The following ST6GALNAC3 variants were observed in gnomAD, a reference collection of about 807,000 sequenced individuals.
ST6GALNAC3 encodes the protein alpha-N-acetylgalactosaminide alpha-2,6-sialyltransferase 3.
Under a neutral mutation model 32.7 loss-of-function variants are expected in ST6GALNAC3, and 25 were observed. The ratio of observed to expected loss-of-function variants is 0.76; its 90% confidence interval spans 0.56 to 1.07. The LOEUF (loss-of-function observed/expected upper bound fraction) is 1.07. Ranked by LOEUF, ST6GALNAC3 falls within the 50% of genes least tolerant of loss-of-function variation. The pLI is 0.00. For synonymous variants in ST6GALNAC3, 129 were observed against 133.1 expected, an observed-to-expected ratio of 0.97 and a Z score of 0.21; for missense variants, 355 against 382.4, an observed-to-expected ratio of 0.93 and a Z score of 0.60.
At chr1:76,078,854 C>CA (rs1646852056) in intron 1 of ST6GALNAC3, among the ~76,000 whole-genome samples, 1 of 152,050 alleles carries the variant, frequency 6.6e-6, no homozygotes, top group African/African-American at 2.4e-5. Context: ...GATCTTGGTT[C>CA]GCTGCAACCT....
chr1:76,444,293 A>G (rs1404516907), intron 3 of ST6GALNAC3, among the ~76,000 whole-genome samples: 5 of 152,124 alleles, frequency 3.3e-5, no homozygotes, highest in Non-Finnish European at 1.5e-5. Context: ...GAGTAAAGAC[A>G]TTTTTTTCTG....
chr1:76,402,570 A>G lies in ST6GALNAC3; in HGVS notation c.214-9438A>G, dbSNP rs1339040386. Among the ~76,000 whole-genome samples, 3 of 152,186 alleles carry G rather than the reference A, an allele frequency of 2.0e-5. No individual in the cohort carries two copies. The East Asian group carries it at 5.8e-4, about 29-fold the overall frequency. ...CCAGAATATTATTTAGGCAGAATAC[A>G]TACCTTACAGTAGCTTCATCACATA... On this transcript the variant is annotated intron_variant, in intron 2 of 4. Transcript: ENST00000328299.
intron 3 of ST6GALNAC3, among the ~76,000 whole-genome samples, chr1:76,526,781 T>C (rs1280866383): frequency 6.6e-6 from 1 of 152,144 alleles, no homozygotes; most frequent in Non-Finnish European, 1.5e-5. Flanking sequence ...CTTTTTGCTG[T>C]GTTTTTGAAT....
At chr1:76,124,723 A>G (rs1173686982) in intron 1 of ST6GALNAC3, among the ~76,000 whole-genome samples, 1 of 152,164 alleles carries the variant, frequency 6.6e-6, no homozygotes, top group East Asian at 1.9e-4. Context: ...TAGGCCTTTC[A>G]GAGACCTCCT....
chr1:76,595,321 C>G (rs189149840), intron 3 of ST6GALNAC3, among the ~76,000 whole-genome samples: 1 of 152,176 alleles, frequency 6.6e-6, no homozygotes, highest in Admixed American at 6.5e-5. Context: ...AGCCTGTTTA[C>G]GCTAAATTCC....
At chr1:76,501,553 G>C (rs1231206750) in intron 3 of ST6GALNAC3, among the ~76,000 whole-genome samples, 1 of 152,112 alleles carries the variant, frequency 6.6e-6, no homozygotes, top group Admixed American at 6.5e-5. Context: ...TGAATTGTAA[G>C]AGATGGGTCA....
chr1:76,570,745 G>A (rs374123473), intron 3 of ST6GALNAC3, among the ~76,000 whole-genome samples: 3 of 151,930 alleles, frequency 2.0e-5, no homozygotes, highest in East Asian at 3.9e-4. Flanking sequence ...TTGCCGTGGG[G>A]GACACCACTC....
At chr1:76,518,641 A>G (rs1244191792) in intron 3 of ST6GALNAC3, among the ~76,000 whole-genome samples, 3 of 151,948 alleles carry the variant, frequency 2.0e-5, no homozygotes, top group Non-Finnish European at 2.9e-5. Flanking sequence ...ATTCTCAGTA[A>G]TTTTTCATTT....
intron 3 of ST6GALNAC3, among the ~76,000 whole-genome samples, chr1:76,496,151 C>T (rs1199717758): frequency 6.6e-6 from 1 of 152,154 alleles, no homozygotes; most frequent in East Asian, 1.9e-4. Flanking sequence ...TGGTCCCTCC[C>T]TCCATATGGA....
intron 1 of ST6GALNAC3, among the ~76,000 whole-genome samples, chr1:76,187,974 A>G (rs555727187): frequency 2.2e-4 from 33 of 152,096 alleles, no homozygotes; most frequent in Non-Finnish European, 4.4e-4. Context: ...CTGAGACTCA[A>G]CGCTTAGGTA....
chr1:76,106,835 C>G (rs922483052), intron 1 of ST6GALNAC3, among the ~76,000 whole-genome samples: 1 of 152,212 alleles, frequency 6.6e-6, no homozygotes, highest in Non-Finnish European at 1.5e-5. Context: ...AAGTATCTTT[C>G]CTTCCCTAGG....
intron 2 of ST6GALNAC3, among the ~76,000 whole-genome samples, chr1:76,365,968 A>C (rs1242148444): frequency 2.0e-5 from 3 of 152,284 alleles, no homozygotes; most frequent in Non-Finnish European, 4.4e-5. Context: ...CATATGTGTT[A>C]GGTGTGAAGA....
At chr1:76,375,977 C>T (rs1189458664) in intron 2 of ST6GALNAC3, among the ~76,000 whole-genome samples, 2 of 152,080 alleles carry the variant, frequency 1.3e-5, no homozygotes, top group African/African-American at 4.8e-5. Flanking sequence ...TATAGACTAA[C>T]TCTGGAAGGA....
chr1:76,177,752 T>C (rs755444937), intron 1 of ST6GALNAC3, among the ~76,000 whole-genome samples: 5 of 152,206 alleles, frequency 3.3e-5, no homozygotes, highest in Non-Finnish European at 5.9e-5. Context: ...TCCTCTTTCA[T>C]TCAGATCGCT....
chr1:76,327,275 C>CGTGTGTGTGTGTGTGTGTGTGT (rs3079480), intron 2 of ST6GALNAC3, among the ~76,000 whole-genome samples: 1 of 138,664 alleles, frequency 7.2e-6, no homozygotes, highest in African/African-American at 2.6e-5. Flanking sequence ...TGTATATATG[C>CGTGTGTGTGTGTGTGTGTGTGT]GTGTGTGTGT....
intron 3 of ST6GALNAC3, among the ~76,000 whole-genome samples, chr1:76,597,069 T>G (rs1221372578): frequency 6.6e-6 from 1 of 152,160 alleles, no homozygotes; most frequent in Non-Finnish European, 1.5e-5. Context: ...TCTAAAAGCA[T>G]AAACCAGAGG....
At chr1:76,544,169 T>C (rs1351302066) in intron 3 of ST6GALNAC3, among the ~76,000 whole-genome samples, 3 of 151,960 alleles carry the variant, frequency 2.0e-5, no homozygotes, top group Non-Finnish European at 4.4e-5. Flanking sequence ...TAATATCATA[T>C]ATTAATTTTA....
intron 1 of ST6GALNAC3, among the ~76,000 whole-genome samples, chr1:76,186,463 A>AG (rs1358620608): frequency 6.6e-6 from 1 of 151,968 alleles, no homozygotes; most frequent in Non-Finnish European, 1.5e-5. Flanking sequence ...AGTAATCCTG[A>AG]GGGAAAAAAA....
intron 1 of ST6GALNAC3, among the ~76,000 whole-genome samples, chr1:76,161,952 G>A (rs983030566): frequency 3.9e-5 from 6 of 152,214 alleles, no homozygotes; most frequent in African/African-American, 1.4e-4. Flanking sequence ...ATCAGGGTTG[G>A]TCATAAAAAG....
Sources: gnomAD v4.1 joint callset for allele counts (sites outside exome capture counted in the v4.1 genomes callset) on GRCh38, gnomAD v4.1.1 for gene constraint, MANE v1.5 for transcripts, NCBI Gene and HGNC (gene_info 2026-07-23, HGNC 2026-07-21) for gene names.